Variants in SPP1 observed in about 807,000 individuals in gnomAD.
SPP1 encodes secreted phosphoprotein 1.
In SPP1, 18 loss-of-function variants were observed where a neutral mutation model predicts 20.8. The ratio of observed to expected loss-of-function variants is 0.87; its 90% CI spans 0.60 to 1.29. SPP1 has a LOEUF of 1.29. Among genes scored for constraint, SPP1 ranks in the 50% most tolerant of loss-of-function variants. SPP1 has a pLI of 0.00. For synonymous variants in SPP1, 146 were observed against 141.5 expected (o/e 1.03, Z -0.23); for missense variants, 363 against 389.0 (o/e 0.93, Z 0.56).
At chr4:87,976,750 T>A in intron 1 of SPP1, 132 bp from the exon 2 acceptor site, 1 of 578,768 alleles carries the variant, frequency 1.7e-6, no homozygotes, top group Non-Finnish European at 3.0e-6. Flanking sequence ...AGAAAAGGCA[T>A]CTCTAAGAAG....
rs969277459 is a variant in SPP1 at position 87,983,058 on chromosome 4, T to C, written c.*162T>C. On this transcript the variant is annotated 3_prime_UTR_variant, in exon 7 of 7. Transcript: ENST00000395080. ...TAATGTGTTTGATAATTAGTTTAGT[T>C]TGTGGCTTCATGGAAACTCCCTGTA... is the stretch of plus-strand genomic sequence containing the variant. 39 of 767,758 alleles carry C rather than the reference T, an allele frequency of 5.1e-5. No homozygotes were observed. The African/African-American group carries it at 6.7e-4, about 13-fold the overall frequency. 47.6% of individuals were successfully genotyped at this position (767,758 alleles called of 1,614,324 possible).
intron 3 of SPP1, among the ~76,000 whole-genome samples, chr4:87,978,322 T>C: frequency 6.6e-6 from 1 of 151,708 alleles, no homozygotes; most frequent in Non-Finnish European, 1.5e-5. Context: ...TGAGAATAGA[T>C]AGATAGATAT....
chr4:87,981,854 A>C, intron 6 of SPP1, 56 bp downstream of exon 6: 1 of 1,477,474 alleles, frequency 6.8e-7, no homozygotes, highest in Non-Finnish European at 9.3e-7. Flanking sequence ...AGTCTAGGAA[A>C]CCACAGTTTG....
At chr4:87,978,046 C>T (rs956456831) in intron 3 of SPP1, 11 of 196,022 alleles carry the variant, frequency 5.6e-5, no homozygotes, top group Non-Finnish European at 4.1e-5. Flanking sequence ...TTAGAAGGCA[C>T]GTGGAGCTAT....
At position 87,980,087 on chromosome 4, in the gene SPP1, C is replaced by A; in HGVS notation, c.135C>A (p.Asn45Lys). 1.9e-6 allele frequency: 3 copies of A among 1,614,108 alleles called. No homozygotes were observed. Among genetic ancestry groups the A allele is most frequent in the Non-Finnish European group, 2.5e-6 (3 of 1,180,026 alleles). The change falls in exon 4 of 7, where the codon AAC becomes AAA. Residue 45 changes from asparagine to lysine, a missense_variant. Physicochemically the swap from Asn to Lys is moderately conservative, Grantham distance 94. Coordinates refer to ENST00000395080, the MANE Select transcript of SPP1 (RefSeq NM_001040058.2). ...KYPDAVATWL[N>K]PDPSQKQNLL... is the part of the protein sequence containing the mutation. ...CAGATGCTGTGGCCACATGGCTAAA[C>A]CCTGACCCATCTCAGAAGCAGAATC... is the stretch of plus-strand genomic sequence containing the variant.
At position 87,981,726 on chromosome 4, in the gene SPP1, T is replaced by C. The variant is rs761719712; in HGVS notation, c.468T>C (p.Tyr156=). The change falls in exon 6 of 7, where the codon TAT becomes TAC. Residue 156 remains tyrosine, a synonymous_variant. Coordinates refer to ENST00000395080, the MANE Select transcript of SPP1 (RefSeq NM_001040058.2). ...FTPVVPTVDT[Y]DGRGDSVVYG... is the part of the protein sequence containing the mutation. ...CAGTTGTCCCCACAGTAGACACATA[T>C]GATGGCCGAGGTGATAGTGTGGTTT... 4 of 1,614,180 alleles carry C rather than the reference T, an allele frequency of 2.5e-6. No individual in the cohort carries two copies. The highest frequency in any genetic ancestry group is 1.1e-5 in the South Asian group (1 of 91,086).
At chr4:87,976,498 A>G (rs1391727416) in intron 1 of SPP1, among the ~76,000 whole-genome samples, 1 of 152,064 alleles carries the variant, frequency 6.6e-6, no homozygotes, top group Non-Finnish European at 1.5e-5. Flanking sequence ...TTTTTCTGTG[A>G]GTTTTTTCTT....
In SPP1 at chr4:87,978,447, G is replaced by A. The variant is rs187869567; in HGVS notation, c.93+1350G>A. Reference sequence around the variant, plus strand: ...GTCTCGCTCCGTCGCCCAGGCTGGAGTGCAGTGGTGTGATCTCGGCTCACT... The same window carrying A: ...GTCTCGCTCCGTCGCCCAGGCTGGAATGCAGTGGTGTGATCTCGGCTCACT... On this transcript the variant is annotated intron_variant, in intron 3 of 6. Coordinates refer to ENST00000395080, the MANE Select transcript of SPP1 (RefSeq NM_001040058.2). 1.7e-3 allele frequency among the ~76,000 whole-genome samples: 245 copies of A among 142,342 alleles called. 3 individuals carry two copies. Among genetic ancestry groups the A allele is most frequent in the East Asian group, 5.1e-3 (24 of 4,704 alleles). 93.4% of individuals were successfully genotyped at this position (142,342 alleles called of 152,430 possible). A position where few individuals can be genotyped will look rare whatever the true frequency, so the allele number is the denominator to read the frequency against.
Position 87,981,531 on chromosome 4 carries a change from AGAT to A in SPP1, c.282_284del (p.Asp95del). On this transcript the variant is annotated inframe_deletion, in exon 6 of 7. Coordinates refer to ENST00000395080, the MANE Select transcript of SPP1 (RefSeq NM_001040058.2). ...ACCACATGGATGATATGGATGATGA[AGAT>A]GATGATGACCATGTGGACAGCCAGG... The A allele has an allele frequency of 6.2e-7, 1 of 1,613,992 alleles. No homozygotes were observed. The highest frequency in any genetic ancestry group is 8.5e-7 in the Non-Finnish European group (1 of 1,179,966).
intron 5 of SPP1, among the ~76,000 whole-genome samples, chr4:87,981,052 T>C (rs952511137): frequency 6.6e-5 from 10 of 152,308 alleles, no homozygotes; most frequent in African/African-American, 2.4e-4. Flanking sequence ...TAGATTTTAG[T>C]ACACACATTA....
intron 3 of SPP1, 50 bp downstream of exon 3, chr4:87,977,147 G>A (rs1181143365): frequency 7.0e-6 from 11 of 1,560,618 alleles, no homozygotes; most frequent in Admixed American, 1.7e-5. Context: ...CTCAATTATG[G>A]CGAGAGGTGC....
chr4:87,982,872 T>A lies in SPP1; in HGVS notation c.921T>A (p.Asp307Glu). The A allele has an allele frequency of 1.2e-6, 2 of 1,612,940 alleles. No individual in the cohort carries two copies. The highest frequency in any genetic ancestry group is 1.7e-6 in the Non-Finnish European group (2 of 1,179,276). Residue 307 changes from aspartate (D) to glutamate (E), a missense_variant, in exon 7 of 7, where the codon GAT becomes GAA. Coordinates refer to ENST00000395080, the MANE Select transcript of SPP1 (RefSeq NM_001040058.2). The part of the protein sequence containing the change: ...HLKFRISHEL[D>E]SASSEVN ...AATTTCGTATTTCTCATGAATTAGA[T>A]AGTGCATCTTCTGAGGTCAATTAAA...
intron 3 of SPP1, chr4:87,977,886 G>A: frequency 1.8e-6 from 2 of 1,125,574 alleles, no homozygotes; most frequent in South Asian, 1.9e-5. Flanking sequence ...AGGGGTGTGT[G>A]TGTCTGTTTT....
chr4:87,978,572 C>T (rs369496744), intron 3 of SPP1, among the ~76,000 whole-genome samples: 12 of 151,918 alleles, frequency 7.9e-5, no homozygotes, highest in African/African-American at 1.4e-4. Flanking sequence ...TTAGTAGAGA[C>T]GGGGTTTCAC....
chr4:87,980,426 A>G lies in SPP1; in HGVS notation c.208A>G (p.Lys70Glu). 1.9e-6 allele frequency: 3 copies of G among 1,614,138 alleles called. No homozygotes were observed. The South Asian group carries it at 3.3e-5, about 18-fold the overall frequency. ...GTCCTCTGAAGAAACCAATGACTTT[A>G]AACAAGAGGTAAGTTCTCATTTTCA... ...AVSSEETNDF[K>E]QETLPSKSNE... The change falls in exon 5 of 7, where the codon AAA becomes GAA. Residue 70 changes from lysine (K) to glutamate (E), a missense_variant. Physicochemically the swap from Lys to Glu is moderately conservative, Grantham distance 56 (BLOSUM62 1). Transcript: ENST00000395080.
At chr4:87,977,007 A>G (rs1725405876) in intron 2 of SPP1, 52 bp from the exon 3 acceptor site, 4 of 1,612,896 alleles carry the variant, frequency 2.5e-6, no homozygotes, top group Non-Finnish European at 3.4e-6. Flanking sequence ...GTGTGCTTCC[A>G]TGTGCTAGGA....
rs148612033 is a variant in SPP1 at position 87,982,569 on chromosome 4, C to T, written c.618C>T (p.Pro206=). 5.0e-6 allele frequency: 8 copies of T among 1,614,126 alleles called. No individual in the cohort carries two copies. The highest frequency in any genetic ancestry group is 2.2e-5 in the East Asian group (1 of 44,872). Residue 206 remains proline (P), a synonymous_variant, in exon 7 of 7, where the codon CCC becomes CCT. Transcript: ENST00000395080. ...TGAATGGTGCATACAAGGCCATCCC[C>T]GTTGCCCAGGACCTGAACGCGCCTT... is the stretch of plus-strand genomic sequence containing the variant. The part of the protein sequence containing the change: ...EELNGAYKAI[P]VAQDLNAPSD...
chr4:87,982,893 T>A lies in SPP1; in HGVS notation c.942T>A (p.Asn314Lys). The A allele has an allele frequency of 6.3e-7, 1 of 1,583,354 alleles. No homozygotes were observed. Among genetic ancestry groups the A allele is most frequent in the Admixed American group, 1.9e-5 (1 of 53,758 alleles). ...HELDSASSEV[N>K] ...TAGATAGTGCATCTTCTGAGGTCAA[T>A]TAAAAGGAGAAAAAATACAATTTCT... The change falls in exon 7 of 7, where the codon AAT (asparagine) becomes AAA (lysine). Residue 314 changes from asparagine (N) to lysine (K), a missense_variant. Asn to Lys is a moderately conservative substitution (Grantham distance 94). Transcript: ENST00000395080.
chr4:87,982,655 C>T lies in SPP1; in HGVS notation c.704C>T (p.Ala235Val). The change falls in exon 7 of 7, where the codon GCT becomes GTT. Residue 235 changes from alanine (A) to valine (V), a missense_variant. Transcript: ENST00000395080. Reference protein sequence around the residue: ...YETSQLDDQSAETHSHKQSRL... With the variant: ...YETSQLDDQSVETHSHKQSRL... ...ACGAGTCAGCTGGATGACCAGAGTG[C>T]TGAAACCCACAGCCACAAGCAGTCC... 2 of 1,614,054 alleles carry T rather than the reference C, an allele frequency of 1.2e-6. No individual in the cohort carries two copies. Among genetic ancestry groups the T allele is most frequent in the Non-Finnish European group, 8.5e-7 (1 of 1,180,026 alleles).
Sources: gnomAD v4.1 joint callset for allele counts (sites outside exome capture counted in the v4.1 genomes callset) on GRCh38, gnomAD v4.1.1 for gene constraint, MANE v1.5 for transcripts, NCBI Gene and HGNC (gene_info 2026-07-23, HGNC 2026-07-21) for gene names.